The following MED17 variants were observed in gnomAD, a reference collection of about 807,000 sequenced individuals.
MED17 encodes the protein mediator complex subunit 17, also known as mediator of RNA polymerase II transcription subunit 17.
In MED17, 49 loss-of-function variants were observed where a neutral mutation model predicts 80.8. That is an observed-to-expected ratio of 0.61 (90% CI 0.48 to 0.77). MED17 has a LOEUF of 0.77. Ranked by LOEUF, MED17 falls within the 30% of genes least tolerant of loss-of-function variation. MED17 has a pLI of 0.00. For synonymous variants in MED17, 281 were observed against 280.4 expected, an observed-to-expected ratio of 1.00 and a Z score of -0.02; for missense variants, 718 against 787.0, an observed-to-expected ratio of 0.91 and a Z score of 1.05.
At chr11:93,798,927 T>TA (rs1943933648) in intron 8 of MED17, among the ~76,000 whole-genome samples, 1 of 152,160 alleles carries the variant, frequency 6.6e-6, no homozygotes, top group South Asian at 2.1e-4. Flanking sequence ...ATGATCAGCA[T>TA]AAAAACAGCT....
Position 93,814,502 on chromosome 11 carries a change from G to A in MED17, c.*2438G>A, listed in dbSNP as rs953494390. On this transcript the variant is annotated 3_prime_UTR_variant, in exon 12 of 12. Transcript: ENST00000251871. ...ATCTTGGCTCTGCTACTGGCTTGCT[G>A]TATGAACTTGGCAAGGATTCTCTGT... The A allele has an allele frequency of 1.3e-5, 2 of 152,214 alleles. No individual in the cohort carries two copies. Among genetic ancestry groups the A allele is most frequent in the Non-Finnish European group, 2.9e-5 (2 of 68,048 alleles). 9.4% of individuals were successfully genotyped at this position (152,214 alleles called of 1,614,324 possible).
rs77033130 is a variant in MED17 at position 93,794,534 on chromosome 11, G to C, written c.860-374G>C. ...GATTGGACTTATTTACTGGTTTTTT[G>C]TGTTAAAGAAGTGAGATTTTTATAT... is the stretch of plus-strand genomic sequence containing the variant. On this transcript the variant is annotated intron_variant, in intron 5 of 11. Coordinates refer to ENST00000251871, the MANE Select transcript of MED17 (RefSeq NM_004268.5). The C allele has an allele frequency of 2.3e-3, 626 of 266,790 alleles. 24 individuals are homozygous for C. The East Asian group carries it at 0.059, about 25-fold the overall frequency. 16.5% of individuals were successfully genotyped at this position (266,790 alleles called of 1,614,324 possible).
intron 6 of MED17, 72 bp from the exon 7 acceptor site, chr11:93,796,338 C>T: frequency 1.5e-6 from 2 of 1,323,050 alleles, no homozygotes; most frequent in Non-Finnish European, 2.2e-6. Flanking sequence ...TATGATTATA[C>T]TTTATGAAGA....
At chr11:93,793,166 T>TAGAG (rs1943859127) in intron 3 of MED17, 1 of 135,122 alleles carries the variant, frequency 7.4e-6, no homozygotes, top group African/African-American at 2.7e-5. Context: ...TTGCCCAGGC[T>TAGAG]AGAGGGCAAT....
chr11:93,792,367 T>C (rs1943846400), intron 3 of MED17, among the ~76,000 whole-genome samples: 2 of 152,220 alleles, frequency 1.3e-5, no homozygotes, highest in Admixed American at 1.3e-4. Context: ...GACAAGACCA[T>C]TTAAAAATTT....
rs563784411 is a variant in MED17, at chr11:93,786,550, C to T, written c.251-1451C>T. Among the ~76,000 whole-genome samples, 45 of 152,000 alleles carry T rather than the reference C, an allele frequency of 3.0e-4. 1 individual carries two copies. The highest frequency in any genetic ancestry group is 2.8e-3 in the Admixed American group (42 of 15,262). On this transcript the variant is annotated intron_variant, in intron 1 of 11. Transcript: ENST00000251871. ...GGTGCAATCTCGGCTCACTGCAACC[C>T]CTGCCTCCTGGATTCAAAACGATTC... is the stretch of plus-strand genomic sequence containing the variant.
intron 10 of MED17, chr11:93,808,151 G>A: frequency 5.9e-6 from 1 of 169,734 alleles, no homozygotes; most frequent in Non-Finnish European, 1.3e-5. Flanking sequence ...ATCACTTCAG[G>A]TTGGGAGTTC....
chr11:93,796,377 A>G (rs1943901123), intron 6 of MED17, 33 bp from the exon 7 acceptor site: 1 of 1,574,926 alleles, frequency 6.3e-7, no homozygotes, highest in Non-Finnish European at 8.7e-7. Context: ...ATTTCAGGTT[A>G]TTTACATATG....
At chr11:93,794,866 A>G in intron 5 of MED17, 42 bp from the exon 6 acceptor site, 3 of 1,597,848 alleles carry the variant, frequency 1.9e-6, no homozygotes, top group Non-Finnish European at 2.6e-6. Context: ...GTTAATGCAT[A>G]ATATGGTTAG....
intron 3 of MED17, chr11:93,793,309 T>G (rs1303773124): frequency 1.1e-5 from 2 of 187,972 alleles, no homozygotes; most frequent in African/African-American, 4.8e-5. Flanking sequence ...GAGATGGGGA[T>G]TTCTCCATGT....
intron 10 of MED17, 50 bp downstream of exon 10, chr11:93,807,685 A>G (rs1944041113): frequency 9.3e-7 from 1 of 1,071,908 alleles, no homozygotes; most frequent in South Asian, 1.2e-5. Context: ...ATAGCTACTT[A>G]AAGAACAAAT....
At chr11:93,786,157 A>C (rs1425121554) in intron 1 of MED17, among the ~76,000 whole-genome samples, 3 of 152,244 alleles carry the variant, frequency 2.0e-5, no homozygotes, top group Non-Finnish European at 4.4e-5. Flanking sequence ...AATTTAGTTG[A>C]TATCTTCTCT....
At chr11:93,799,274 C>G (rs1007744360) in intron 8 of MED17, among the ~76,000 whole-genome samples, 1 of 150,656 alleles carries the variant, frequency 6.6e-6, no homozygotes, top group African/African-American at 2.4e-5. Flanking sequence ...CTCTCGGGTT[C>G]AAGCGATCAT....
At chr11:93,798,675 C>T (rs137960218) in intron 8 of MED17, among the ~76,000 whole-genome samples, 23 of 152,042 alleles carry the variant, frequency 1.5e-4, no homozygotes, top group African/African-American at 5.3e-4. Flanking sequence ...TAAATAACTT[C>T]GAGCAAGGGA....
In MED17 at chr11:93,809,893, T is replaced by A. The variant is rs1187891587; in HGVS notation, c.1744+17T>A. On this transcript the variant is annotated intron_variant, in intron 11 of 11. Coordinates refer to ENST00000251871, the MANE Select transcript of MED17 (RefSeq NM_004268.5). ...CTATTTCAGGTACTTTCTGCTGCTT[T>A]GAATGAGAAGGGACCATTGGGAGTT... 6.2e-7 allele frequency: 1 copy of A among 1,614,140 alleles called. No homozygotes were observed. Among genetic ancestry groups the A allele is most frequent in the South Asian group, 1.1e-5 (1 of 91,082 alleles).
chr11:93,793,611 A>G (rs1301730969), intron 3 of MED17, 117 bp from the exon 4 acceptor site: 54 of 761,492 alleles, frequency 7.1e-5, no homozygotes, highest in Admixed American at 1.2e-4. Context: ...TATGTTTTTT[A>G]GTGGGGACTT....
intron 1 of MED17, among the ~76,000 whole-genome samples, chr11:93,786,762 C>G (rs1484177846): frequency 6.6e-6 from 1 of 152,292 alleles, no homozygotes; most frequent in South Asian, 2.1e-4. Context: ...AGCCACTGCA[C>G]CCAGCCGAAA....
chr11:93,810,158 G>A (rs888514627), intron 11 of MED17: 93 of 397,606 alleles, frequency 2.3e-4, no homozygotes, highest in Middle Eastern at 7.9e-4. Flanking sequence ...AAAGTTTAAT[G>A]GATAAAAACT....
chr11:93,784,954 A>G (rs1943753437), intron 1 of MED17, 191 bp downstream of exon 1: 3 of 778,776 alleles, frequency 3.9e-6, no homozygotes, highest in African/African-American at 3.5e-5. Flanking sequence ...ACTTTACGTA[A>G]TACTCCTGCG....
Sources: gnomAD v4.1 joint callset for allele counts (sites outside exome capture counted in the v4.1 genomes callset) on GRCh38, gnomAD v4.1.1 for gene constraint, MANE v1.5 for transcripts, NCBI Gene and HGNC (gene_info 2026-07-23, HGNC 2026-07-21) for gene names.